PKD1: variants seen among roughly 807,000 people sequenced by gnomAD.
The protein encoded by PKD1 is polycystin-1.
A neutral mutation model predicts 361.7 loss-of-function variants in PKD1; 81 were observed. The ratio of observed to expected loss-of-function variants is 0.22; its 90% CI spans 0.19 to 0.27. PKD1 has a LOEUF of 0.27. Among genes scored for constraint, PKD1 ranks in the 10% least tolerant of loss-of-function variants. PKD1 has a pLI of 1.00. For synonymous variants in PKD1, 3,615 were observed against 2,818.3 expected, an observed-to-expected ratio of 1.28 and a Z score of -8.95; for missense variants, 6,399 against 6,118.3, an observed-to-expected ratio of 1.05 and a Z score of -1.53.
intron 34 of PKD1, 62 bp downstream of exon 34, chr16:2,097,086 C>T (rs927663041): frequency 3.4e-5 from 29 of 847,102 alleles, no homozygotes; most frequent in Non-Finnish European, 5.0e-5. Flanking sequence ...ACCACGGCTG[C>T]CTGGCCTGAG....
At chr16:2,124,483 C>T (rs750619813) in intron 1 of PKD1, among the ~76,000 whole-genome samples, 7 of 152,192 alleles carry the variant, frequency 4.6e-5, no homozygotes, top group East Asian at 1.9e-4. Flanking sequence ...GCTCCTGGGC[C>T]GGGGGAGCCG....
At position 2,099,979 on chromosome 16, in the gene PKD1, G is replaced by T. The variant is rs980803513; in HGVS notation, c.9805C>A (p.Arg3269=). Residue 3269 remains arginine (R), a synonymous_variant, in exon 29 of 46, where the codon CGG becomes AGG. Transcript: ENST00000262304. ...DKHIWLSIWD[R]PPRSRFTRIQ... ...CGAGTGAAACGGCTACGAGGCGGCC[G>T]GTCCCATATGGAGAGCCAGATGTGC... The T allele has an allele frequency of 6.4e-7, 1 of 1,562,880 alleles. No individual in the cohort carries two copies. The highest frequency in any genetic ancestry group is 1.9e-5 in the Admixed American group (1 of 52,384).
chr16:2,096,641 G>A (rs1204670211), intron 34 of PKD1, among the ~76,000 whole-genome samples: 5 of 152,052 alleles, frequency 3.3e-5, no homozygotes, highest in Non-Finnish European at 7.3e-5. Context: ...TCAGTCTCCC[G>A]AGTAACTGGG....
rs200434097 is a variant in PKD1 at position 2,100,075 on chromosome 16, G to A, written c.9713-4C>T. ...AAGCGCAAAAGGGCTGCGTCGCCTAGAAGGCAGGGAGGGCCGCACTGCAGG... is the reference window on the plus strand; with the variant it reads ...AAGCGCAAAAGGGCTGCGTCGCCTAAAAGGCAGGGAGGGCCGCACTGCAGG... On this transcript the variant is annotated splice_polypyrimidine_tract_variant and splice_region_variant and intron_variant, in intron 28 of 45. Coordinates refer to ENST00000262304, the MANE Select transcript of PKD1 (RefSeq NM_001009944.3). This position sits in a 1 kb window ranked among gnomAD's most constrained non-coding sequence, Gnocchi z 4.4. 956 of 1,602,450 alleles carry A rather than the reference G, an allele frequency of 6.0e-4. 5 individuals are homozygous for A. In the East Asian group the frequency reaches 8.7e-3, roughly 15 times the overall value.
Position 2,100,249 on chromosome 16 carries a change from C to T in PKD1, c.9629G>A (p.Ser3210Asn). 6.2e-7 allele frequency: 1 copy of T among 1,610,728 alleles called. No individual in the cohort carries two copies. The highest frequency in any genetic ancestry group is 8.5e-7 in the Non-Finnish European group (1 of 1,179,750). ...VIVRDLQTARSAFFLVNDWLS... is the reference protein window; with the variant it reads ...VIVRDLQTARNAFFLVNDWLS... Reference sequence around the variant, plus strand: ...CCAGTCATTGACCAGGAAGAAGGCGCTGCGTGCCGTCTGCAGGTCCCTGAC... The same window carrying T: ...CCAGTCATTGACCAGGAAGAAGGCGTTGCGTGCCGTCTGCAGGTCCCTGAC... Residue 3210 changes from serine (S) to asparagine (N), a missense_variant, in exon 28 of 46, where the codon AGC (serine) becomes AAC (asparagine). Physicochemically the swap from Ser to Asn is conservative, Grantham distance 46. Coordinates refer to ENST00000262304, the MANE Select transcript of PKD1 (RefSeq NM_001009944.3). This position sits in a 1 kb window ranked among gnomAD's most constrained non-coding sequence, Gnocchi z 4.4.
Position 2,092,133 on chromosome 16 carries a change from G to A in PKD1, c.11325C>T (p.Gly3775=), listed in dbSNP as rs745446394. ...PRVHTCSAAG[G]FSTSDYDVGW... is the part of the protein sequence containing the mutation. ...CAACGTCGTAATCGCTGGTGCTGAA[G>A]CCTCCTGCGGCCGAGCACGTGTGGA... Residue 3775 remains glycine (G), a synonymous_variant, in exon 40 of 46, where the codon GGC becomes GGT. Transcript: ENST00000262304. 3.7e-6 allele frequency: 6 copies of A among 1,612,686 alleles called. No homozygotes were observed. In the East Asian group the frequency reaches 6.7e-5, roughly 18 times the overall value.
Position 2,110,434 on chromosome 16 carries a change from A to G in PKD1, c.4733T>C (p.Val1578Ala). The change falls in exon 15 of 46, where the codon GTG (valine) becomes GCG (alanine). Residue 1578 changes from valine (V) to alanine (A), a missense_variant. By Grantham distance (64) the Val-to-Ala change is moderately conservative. Transcript: ENST00000262304. ...FSTSLEAGSDVRYSWVLCDRC... is the reference protein window; with the variant it reads ...FSTSLEAGSDARYSWVLCDRC... ...GTCACAGAGCACCCAGGAATAGCGC[A>G]CATCACTGCCGGCCTCCAGCGACGT... 2 of 1,612,522 alleles carry G rather than the reference A, an allele frequency of 1.2e-6. No individual in the cohort carries two copies. The highest frequency in any genetic ancestry group is 1.7e-6 in the Non-Finnish European group (2 of 1,179,830).
chr16:2,103,142 C>G (rs1246247338), intron 23 of PKD1, 124 bp downstream of exon 23: 1 of 1,318,326 alleles, frequency 7.6e-7, no homozygotes, highest in Non-Finnish European at 1.1e-6. Context: ...TCTGGCCAGG[C>G]CCCCAGCAGC....
Position 2,097,195 on chromosome 16 carries a change from T to C in PKD1, c.10452A>G (p.Pro3484=), listed in dbSNP as rs1422172514. 1 of 1,563,998 alleles carries C rather than the reference T, an allele frequency of 6.4e-7. No homozygotes were observed. Among genetic ancestry groups the C allele is most frequent in the East Asian group, 2.4e-5 (1 of 41,944 alleles). The change falls in exon 34 of 46, where the codon CCA becomes CCG. Residue 3484 remains proline (P), a synonymous_variant. Coordinates refer to ENST00000262304, the MANE Select transcript of PKD1 (RefSeq NM_001009944.3). ...CCATGTGGGTGTCTTGGGTAGGGGCTGGGCTGCTGACCCCCTCGGCAAGGA... is the reference window on the plus strand; with the variant it reads ...CCATGTGGGTGTCTTGGGTAGGGGCCGGGCTGCTGACCCCCTCGGCAAGGA... The part of the protein sequence containing the change: ...QQVLAEGVSS[P]APTQDTHMET...
rs2091407170 is a variant in PKD1 at position 2,090,089 on chromosome 16, C to T, written c.12550G>A (p.Ala4184Thr). Residue 4184 changes from alanine to threonine, a missense_variant, in exon 46 of 46, where the codon GCC becomes ACC. Transcript: ENST00000262304. Reference protein sequence around the residue: ...DVPPPSAGSDASHPSTSSSQL... With the variant: ...DVPPPSAGSDTSHPSTSSSQL... ...CTGGAGGAGGTGGAGGGGTGCGAGG[C>T]ATCGGAGCCAGCGCTGGGTGGGGGC... 3.1e-6 allele frequency: 5 copies of T among 1,608,124 alleles called. No homozygotes were observed. The highest frequency in any genetic ancestry group is 3.4e-6 in the Non-Finnish European group (4 of 1,176,732).
intron 1 of PKD1, among the ~76,000 whole-genome samples, chr16:2,125,676 G>C (rs1459247477): frequency 6.6e-6 from 1 of 150,610 alleles, no homozygotes; most frequent in Non-Finnish European, 1.5e-5. Context: ...CACCTGTGGG[G>C]TGTAGGAAGG....
At chr16:2,128,971 C>T (rs1181742661) in intron 1 of PKD1, among the ~76,000 whole-genome samples, 1 of 151,868 alleles carries the variant, frequency 6.6e-6, no homozygotes, top group Admixed American at 6.6e-5. Context: ...TCAAGTGATT[C>T]TCCTGCCTCA....
intron 1 of PKD1, among the ~76,000 whole-genome samples, chr16:2,125,974 A>AT: frequency 6.6e-6 from 1 of 152,016 alleles, no homozygotes; most frequent in South Asian, 2.1e-4. Context: ...CAGTGTGTCA[A>AT]TGGAGGAAGC....
intron 11 of PKD1, among the ~76,000 whole-genome samples, chr16:2,113,566 C>A (rs1429124767): frequency 1.3e-5 from 2 of 151,582 alleles, no homozygotes; most frequent in African/African-American, 2.4e-5. Context: ...TACAAAGAGT[C>A]CACCTCTCTC....
intron 26 of PKD1, among the ~76,000 whole-genome samples, chr16:2,101,773 T>C (rs1392638585): frequency 6.6e-6 from 1 of 152,246 alleles, no homozygotes; most frequent in East Asian, 1.9e-4. Flanking sequence ...ATGCACAGTC[T>C]CCCACAGTGG....
At position 2,106,591 on chromosome 16, in the gene PKD1, C is replaced by T. The variant is rs2092344422; in HGVS notation, c.7296G>A (p.Val2432=). Reference sequence around the variant, plus strand: ...CGTCCCGCAGCACGCCCCGCCGCAGCACCAGTCGCATGCCTGCACTGCCCG... The same window carrying T: ...CGTCCCGCAGCACGCCCCGCCGCAGTACCAGTCGCATGCCTGCACTGCCCG... ...TSTGSAGMRL[V]LRRGVLRDGE... Residue 2432 remains valine, a synonymous_variant, in exon 18 of 46, where the codon GTG becomes GTA. Coordinates refer to ENST00000262304, the MANE Select transcript of PKD1 (RefSeq NM_001009944.3). The surrounding 1 kb of genome is among the most constrained non-coding windows in gnomAD (Gnocchi z 6.5). 8 of 1,598,228 alleles carry T rather than the reference C, an allele frequency of 5.0e-6. No homozygotes were observed. In the East Asian group the frequency reaches 1.6e-4, roughly 31 times the overall value.
In PKD1 at chr16:2,111,260, C is replaced by T. The variant is rs761686050; in HGVS notation, c.3907G>A (p.Ala1303Thr). The T allele has an allele frequency of 2.6e-5, 42 of 1,610,022 alleles. 1 individual carries two copies. The highest frequency in any genetic ancestry group is 1.2e-4 in the Admixed American group (7 of 59,956). ...VLEVLRVEPA[A>T]CIPTQPDARL... ...GCGTCAGGCTGCGTGGGGATGCAGGCGGCGGGTTCAACGCGCAGCACCTCC... is the reference window on the plus strand; with the variant it reads ...GCGTCAGGCTGCGTGGGGATGCAGGTGGCGGGTTCAACGCGCAGCACCTCC... The change falls in exon 15 of 46, where the codon GCC becomes ACC. Residue 1303 changes from alanine to threonine, a missense_variant. Transcript: ENST00000262304.
rs1457054128 is a variant in PKD1 at position 2,118,438 on chromosome 16, G to A, written c.554C>T (p.Pro185Leu). 4 of 1,213,454 alleles carry A rather than the reference G, an allele frequency of 3.3e-6. No individual in the cohort carries two copies. The South Asian group carries it at 3.8e-5, about 12-fold the overall frequency. The allele number at this position is 1,213,454 out of a possible 1,614,324, so 75.2% of individuals were successfully genotyped here. Residue 185 changes from proline to leucine, a missense_variant, in exon 5 of 46, where the codon CCT (proline) becomes CTT (leucine). Coordinates refer to ENST00000262304, the MANE Select transcript of PKD1 (RefSeq NM_001009944.3). This position sits in a 1 kb window ranked among gnomAD's most constrained non-coding sequence, Gnocchi z 6.0. ...GCGEEYVACL[P>L]DNSSGTVAAV... is the part of the protein sequence containing the mutation. ...TGCCACGGTGCCTGAGCTGTTGTCA[G>A]GGAGGCAGGCGACATACTCCTCACC...
intron 42 of PKD1, 106 bp downstream of exon 42, chr16:2,091,317 A>AG: frequency 1.2e-5 from 3 of 256,784 alleles, no homozygotes; most frequent in Non-Finnish European, 9.0e-6. Flanking sequence ...GGACGCTGCG[A>AG]GGGGGCGGGG....
Sources: allele counts gnomAD v4.1 joint callset (sites outside exome capture counted in the v4.1 genomes callset), GRCh38; gene constraint gnomAD v4.1.1; non-coding constraint Gnocchi (gnomAD v3.1); transcripts MANE v1.5; gene names NCBI Gene and HGNC (gene_info 2026-07-23, HGNC 2026-07-21).